The following ANKRD62 variants were observed in gnomAD, a reference collection of about 807,000 sequenced individuals.
ANKRD62 encodes ankyrin repeat domain-containing protein 62.
ANKRD62 carries 61 observed loss-of-function variants against 98.8 expected under a neutral mutation model. The ratio of observed to expected loss-of-function variants is 0.62; its 90% CI spans 0.50 to 0.76. The LOEUF (loss-of-function observed/expected upper bound fraction) is 0.76. ANKRD62 is among the 30% of genes least tolerant of loss of function. The probability of loss-of-function intolerance (pLI) is 0.00; values close to 1 mark genes in which losing one functional copy is unlikely to be tolerated. For missense variants in ANKRD62, 933 were observed against 1,082.9 expected (o/e 0.86, Z 1.94); for synonymous variants, 341 against 367.9 (o/e 0.93, Z 0.84).
rs1475353291 is a variant in ANKRD62 at position 12,129,619 on chromosome 18, G to C, written c.*1680G>C. The C allele has an allele frequency of 1.3e-5, 2 of 152,170 alleles. No individual in the cohort carries two copies. The highest frequency in any genetic ancestry group is 3.9e-4 in the East Asian group (2 of 5,150). 9.4% of individuals were successfully genotyped at this position (152,170 alleles called of 1,614,324 possible). A position where few individuals can be genotyped will look rare whatever the true frequency, so the allele number is the denominator to read the frequency against. ...AAAAATTAGCCAGGCGTGGTGGCAG[G>C]CGCCTGTAGTCCCAGCTACTCGGGA... On this transcript the variant is annotated 3_prime_UTR_variant, in exon 14 of 14. Transcript: ENST00000587848.
chr18:12,146,049 G>C, the ANKRD62 span, among the ~76,000 whole-genome samples: 20 of 151,716 alleles, frequency 1.3e-4, no homozygotes, highest in Non-Finnish European at 1.5e-5. Context: ...CCATTTGGGC[G>C]ACTTAGCCAT....
the ANKRD62 span, among the ~76,000 whole-genome samples, chr18:12,179,594 A>C: frequency 3.3e-5 from 5 of 151,710 alleles, no homozygotes; most frequent in Admixed American, 6.5e-5. Flanking sequence ...TACACCTGCA[A>C]ATCTTCGCCT....
At chr18:12,112,469 G>A (rs1282920072) in intron 8 of ANKRD62, among the ~76,000 whole-genome samples, 1 of 152,042 alleles carries the variant, frequency 6.6e-6, no homozygotes, top group African/African-American at 2.4e-5. Context: ...ACAAGGACAG[G>A]ACCGTATTTA....
intron 10 of ANKRD62, among the ~76,000 whole-genome samples, chr18:12,121,847 C>T (rs1352974799): frequency 1.8e-4 from 27 of 152,168 alleles, no homozygotes; most frequent in Admixed American, 7.2e-4. Context: ...AATCAGCACC[C>T]GTTGCTCCCT....
rs913279537 is a variant in ANKRD62 at position 12,096,220 on chromosome 18, G to T, written c.532G>T (p.Ala178Ser). ...SQDGHTSLLL[A>S]VNRKKEQMVA... ...GGATGGACATACATCACTTTTACTCGCTGTAAATAGGAAAAAAGAGCAAAT... is the reference window on the plus strand; with the variant it reads ...GGATGGACATACATCACTTTTACTCTCTGTAAATAGGAAAAAAGAGCAAAT... Residue 178 changes from alanine (A) to serine (S), a missense_variant, in exon 4 of 14, where the codon GCT (alanine) becomes TCT (serine). By Grantham distance (99) the Ala-to-Ser change is moderately conservative. This residue lies in a region of ANKRD62 where 549 missense variants were observed against 587.9 expected (regional missense o/e 0.93). Transcript: ENST00000587848. The T allele has an allele frequency of 6.5e-7, 1 of 1,534,418 alleles. No individual in the cohort carries two copies. The highest frequency in any genetic ancestry group is 8.7e-7 in the Non-Finnish European group (1 of 1,144,982).
rs1010066510 is a variant in ANKRD62, at chr18:12,110,669, G to A, written c.1064+3202G>A. On this transcript the variant is annotated intron_variant, in intron 8 of 13. Coordinates refer to ENST00000587848, the MANE Select transcript of ANKRD62 (RefSeq NM_001277333.2). ...CACTGCTGTAATTTTCACTCTCACC[G>A]CTCCTCCAAAGTTGTTATTCTCAAG... Among the ~76,000 whole-genome samples, 27 of 152,044 alleles carry A rather than the reference G, an allele frequency of 1.8e-4. No homozygotes were observed. In the South Asian group the frequency reaches 4.6e-3, roughly 26 times the overall value.
chr18:12,164,177 A>C, the ANKRD62 span, among the ~76,000 whole-genome samples: 4 of 151,892 alleles, frequency 2.6e-5, no homozygotes, highest in Admixed American at 6.6e-5. Flanking sequence ...CTTTGATCCC[A>C]TTACTTGTTA....
rs1265428368 is a variant in ANKRD62 at position 12,127,791 on chromosome 18, A to G, written c.2606A>G (p.Asn869Ser). ...QLQREVDDAL[N>S]KQLLLEAMLE... Reference sequence around the variant, plus strand: ...CAACGAGAAGTGGATGATGCCCTGAACAAACAATTGCTGTTAGAAGCTATG... The same window carrying G: ...CAACGAGAAGTGGATGATGCCCTGAGCAAACAATTGCTGTTAGAAGCTATG... The change falls in exon 14 of 14, where the codon AAC becomes AGC. Residue 869 changes from asparagine to serine, a missense_variant. This residue lies in a region of ANKRD62 where 362 missense variants were observed against 434.5 expected (regional missense o/e 0.83). Transcript: ENST00000587848. 4 of 1,497,428 alleles carry G rather than the reference A, an allele frequency of 2.7e-6. No individual in the cohort carries two copies. In the East Asian group the frequency reaches 1.0e-4, roughly 38 times the overall value. 92.8% of individuals were successfully genotyped at this position (1,497,428 alleles called of 1,614,324 possible).
chr18:12,163,633 C>CA, the ANKRD62 span, among the ~76,000 whole-genome samples: 3 of 152,012 alleles, frequency 2.0e-5, no homozygotes, highest in African/African-American at 7.2e-5. Flanking sequence ...TAGTATGATA[C>CA]TAGCTGTGGG....
the ANKRD62 span, among the ~76,000 whole-genome samples, chr18:12,181,387 A>G: frequency 3.3e-5 from 5 of 152,192 alleles, no homozygotes; most frequent in Non-Finnish European, 7.3e-5. Flanking sequence ...ATATATTTAC[A>G]GGACAACTAC....
chr18:12,169,765 G>T, the ANKRD62 span, among the ~76,000 whole-genome samples: 41 of 152,238 alleles, frequency 2.7e-4, no homozygotes, highest in African/African-American at 9.6e-4. Context: ...TCTGGTCCTG[G>T]ACTTTTTTTG....
In ANKRD62 at chr18:12,122,501, A is replaced by G; in HGVS notation, c.1439A>G (p.Lys480Arg). ...SEHQNLQGKKKLCNLRFILQQ... is the reference protein window; with the variant it reads ...SEHQNLQGKKRLCNLRFILQQ... Reference sequence around the variant, plus strand: ...CATCAGAATCTTCAAGGGAAAAAAAAGCTCTGTAATTTGAGGTATCACATT... The same window carrying G: ...CATCAGAATCTTCAAGGGAAAAAAAGGCTCTGTAATTTGAGGTATCACATT... Residue 480 changes from lysine to arginine, a missense_variant, in exon 11 of 14, where the codon AAG (lysine) becomes AGG (arginine). Lys to Arg is a conservative substitution (Grantham distance 26). Coordinates refer to ENST00000587848, the MANE Select transcript of ANKRD62 (RefSeq NM_001277333.2). 2.0e-6 allele frequency: 3 copies of G among 1,521,404 alleles called. No individual in the cohort carries two copies. The highest frequency in any genetic ancestry group is 2.6e-6 in the Non-Finnish European group (3 of 1,143,218). 94.2% of individuals were successfully genotyped at this position (1,521,404 alleles called of 1,614,324 possible). A position where few individuals can be genotyped will look rare whatever the true frequency, so the allele number is the denominator to read the frequency against.
At chr18:12,094,300 G>C in intron 1 of ANKRD62, 65 bp downstream of exon 1, 1 of 1,382,374 alleles carries the variant, frequency 7.2e-7, no homozygotes, top group Non-Finnish European at 9.5e-7. Flanking sequence ...TCCTGGTTTC[G>C]GGGTAGGGGA....
At chr18:12,132,864 TTC>T (rs1910026306), downstream of ANKRD62, among the ~76,000 whole-genome samples, 1 of 152,198 alleles carries the variant, frequency 6.6e-6, no homozygotes, top group Non-Finnish European at 1.5e-5. Context: ...AAATCTTGTA[TTC>T]TGTTTAAAAT....
At chr18:12,121,701 T>C (rs1242021098) in intron 10 of ANKRD62, among the ~76,000 whole-genome samples, 1 of 152,232 alleles carries the variant, frequency 6.6e-6, no homozygotes, top group Non-Finnish European at 1.5e-5. Context: ...AAAGAAGCTC[T>C]GTCAACAAAA....
the ANKRD62 span, among the ~76,000 whole-genome samples, chr18:12,153,714 C>T: frequency 1.3e-5 from 2 of 152,020 alleles, no homozygotes; most frequent in African/African-American, 4.8e-5. Flanking sequence ...CATTAGGTTA[C>T]CCGACTTCAA....
Position 12,095,583 on chromosome 18 carries a change from T to TG in ANKRD62, c.482dup (p.Ala162CysfsTer4). On this transcript the variant is annotated frameshift_variant, in exon 3 of 14. Coordinates refer to ENST00000587848, the MANE Select transcript of ANKRD62 (RefSeq NM_001277333.2). LOFTEE classifies it high-confidence loss of function. Reference sequence around the variant, plus strand: ...CAATGGCAAGAAAACTGCTTGCATATGGTGCAGATATTGAAGCAAGAAGCC... The same window carrying TG: ...CAATGGCAAGAAAACTGCTTGCATATGGGTGCAGATATTGAAGCAAGAAGCC... 1 of 1,533,806 alleles carries TG rather than the reference T, an allele frequency of 6.5e-7. No homozygotes were observed. Among genetic ancestry groups the TG allele is most frequent in the Non-Finnish European group, 8.7e-7 (1 of 1,145,414 alleles).
the ANKRD62 span, among the ~76,000 whole-genome samples, chr18:12,137,721 T>C: frequency 6.9e-4 from 105 of 152,364 alleles, 1 homozygote; most frequent in African/African-American, 2.5e-3. Flanking sequence ...TGCCTCAATT[T>C]CAGAGCCTGC....
At chr18:12,174,243 G>A in the ANKRD62 span, among the ~76,000 whole-genome samples, 1 of 151,946 alleles carries the variant, frequency 6.6e-6, no homozygotes, top group Non-Finnish European at 1.5e-5. Flanking sequence ...ATTTCAGAAA[G>A]CCAGTCTTCA....
Sources: allele counts gnomAD v4.1 joint callset (sites outside exome capture counted in the v4.1 genomes callset), GRCh38; gene constraint gnomAD v4.1.1; regional missense constraint gnomAD v4.1.1; transcripts MANE v1.5; gene names NCBI Gene and HGNC (gene_info 2026-07-23, HGNC 2026-07-21).